Variants in PAK2 observed in about 807,000 individuals in gnomAD.
The protein encoded by PAK2 is serine/threonine-protein kinase PAK 2.
Under a neutral mutation model 65.9 loss-of-function variants are expected in PAK2, and 21 were observed. That is an observed-to-expected ratio of 0.32 (90% CI 0.23 to 0.46). PAK2 has a LOEUF of 0.46. Among genes scored for constraint, PAK2 ranks in the 20% least tolerant of loss-of-function variants. The probability of loss-of-function intolerance (pLI) is 1.00; values close to 1 mark genes in which losing one functional copy is unlikely to be tolerated. For synonymous variants in PAK2, 204 were observed against 219.7 expected, an observed-to-expected ratio of 0.93 and a Z score of 0.63; for missense variants, 324 against 642.6, an observed-to-expected ratio of 0.50 and a Z score of 5.36.
intron 1 of PAK2, among the ~76,000 whole-genome samples, chr3:196,771,279 T>A (rs906381177): frequency 6.6e-6 from 1 of 152,110 alleles, no homozygotes; most frequent in Admixed American, 6.5e-5. Context: ...ATTCAATTAC[T>A]GCTTCTGTGA....
At chr3:196,812,706 A>C (rs771520730) in intron 9 of PAK2, 33 bp from the exon 10 acceptor site, 1 of 967,070 alleles carries the variant, frequency 1.0e-6, no homozygotes, top group Non-Finnish European at 1.7e-6. Context: ...GAATTCCTAA[A>C]CCTGGTTTTT....
At chr3:196,744,071 G>A (rs1713293332) in intron 1 of PAK2, among the ~76,000 whole-genome samples, 1 of 152,080 alleles carries the variant, frequency 6.6e-6, no homozygotes, top group Admixed American at 6.6e-5. Context: ...TTAAAAATAT[G>A]CATATTTCCT....
intron 2 of PAK2, among the ~76,000 whole-genome samples, chr3:196,789,466 A>G (rs935204114): frequency 7.4e-6 from 1 of 135,918 alleles, no homozygotes; most frequent in Non-Finnish European, 1.6e-5. Context: ...TTCATGGAAA[A>G]CAATTTTTCT....
At position 196,828,465 on chromosome 3, in the gene PAK2, TG is replaced by T. The variant is rs1328215923; in HGVS notation, c.*61del. ...TTTCTACAAGAAGCCTTTTAGTATA[TG>T]AAAATTATTACTCTTTTTGGGGTTT... On this transcript the variant is annotated 3_prime_UTR_variant, in exon 15 of 15. Coordinates refer to ENST00000327134, the MANE Select transcript of PAK2 (RefSeq NM_002577.4). 3 of 963,338 alleles carry T rather than the reference TG, an allele frequency of 3.1e-6. No individual in the cohort carries two copies. The highest frequency in any genetic ancestry group is 5.0e-6 in the Non-Finnish European group (3 of 600,816). The allele number at this position is 963,338 out of a possible 1,614,324, so 59.7% of individuals were successfully genotyped here.
chr3:196,806,989 G>T (rs1715606147), intron 6 of PAK2, among the ~76,000 whole-genome samples: 1 of 152,098 alleles, frequency 6.6e-6, no homozygotes, highest in Admixed American at 6.6e-5. Context: ...TTATCTCAAT[G>T]TAGATGACGA....
chr3:196,812,643 A>G, intron 9 of PAK2, 96 bp from the exon 10 acceptor site: 1 of 645,892 alleles, frequency 1.5e-6, no homozygotes, highest in East Asian at 2.7e-5. Flanking sequence ...ATGGTGTAAT[A>G]CAGTACACGT....
At chr3:196,814,095 C>G (rs1715916676) in intron 10 of PAK2, among the ~76,000 whole-genome samples, 1 of 152,148 alleles carries the variant, frequency 6.6e-6, no homozygotes, top group African/African-American at 2.4e-5. Context: ...CTGTCACTTC[C>G]TATTAATAGC....
At chr3:196,826,250 C>G (rs1711865888) in intron 13 of PAK2, among the ~76,000 whole-genome samples, 1 of 151,994 alleles carries the variant, frequency 6.6e-6, no homozygotes. Context: ...CGGCTCACTG[C>G]AAGCTCTGCC....
rs75819750 is a variant in PAK2, at chr3:196,768,251, T to C, written c.-21-14375T>C. ...CAGAACTGCTTTTCATTCCTAATCA[T>C]GTTTATTTTTTACTCTCTTTGTTTT... On this transcript the variant is annotated intron_variant, in intron 1 of 14. Coordinates refer to ENST00000327134, the MANE Select transcript of PAK2 (RefSeq NM_002577.4). Among the ~76,000 whole-genome samples the C allele has an allele frequency of 9.5e-4, 145 of 152,134 alleles. 5 individuals carry two copies. The highest frequency in any genetic ancestry group is 3.4e-3 in the African/African-American group (139 of 41,414).
Position 196,831,101 on chromosome 3 carries a change from T to A in PAK2, c.*2696T>A, listed in dbSNP as rs967959680. ...CAGAGTCTCACCACATTGCCCAGGC[T>A]GGTCTCCAACTCCTGAGCTCAGGCA... On this transcript the variant is annotated 3_prime_UTR_variant, in exon 15 of 15. Transcript: ENST00000327134. 2.0e-5 allele frequency: 3 copies of A among 152,242 alleles called. No homozygotes were observed. Among genetic ancestry groups the A allele is most frequent in the African/African-American group, 7.2e-5 (3 of 41,456 alleles). 9.4% of individuals were successfully genotyped at this position (152,242 alleles called of 1,614,324 possible).
At chr3:196,786,309 C>T (rs1004873520) in intron 2 of PAK2, among the ~76,000 whole-genome samples, 6 of 151,652 alleles carry the variant, frequency 4.0e-5, no homozygotes, top group African/African-American at 1.2e-4. Flanking sequence ...ATTACAGGCG[C>T]CTGCCACCGC....
chr3:196,825,526 C>G (rs917658194), intron 13 of PAK2, among the ~76,000 whole-genome samples: 1 of 151,890 alleles, frequency 6.6e-6, no homozygotes, highest in Non-Finnish European at 1.5e-5. Context: ...GCCTATAATC[C>G]CAGCTACTCG....
intron 1 of PAK2, among the ~76,000 whole-genome samples, chr3:196,743,294 C>T (rs1713268073): frequency 6.6e-6 from 1 of 152,102 alleles, no homozygotes; most frequent in African/African-American, 2.4e-5. Context: ...CTCCATGTAT[C>T]CCATGTGGTT....
intron 1 of PAK2, among the ~76,000 whole-genome samples, chr3:196,756,142 C>T (rs1713762021): frequency 6.6e-6 from 1 of 152,272 alleles, no homozygotes; most frequent in African/African-American, 2.4e-5. Flanking sequence ...ATTTTCTGAG[C>T]CTCGCCACTT....
intron 6 of PAK2, among the ~76,000 whole-genome samples, chr3:196,807,362 G>C (rs373824684): frequency 6.6e-6 from 1 of 152,078 alleles, no homozygotes; most frequent in South Asian, 2.1e-4. Context: ...TGAAATGGGT[G>C]GTAGGCATTA....
Position 196,769,438 on chromosome 3 carries a change from T to C in PAK2, c.-21-13188T>C, listed in dbSNP as rs547332668. Among the ~76,000 whole-genome samples the C allele has an allele frequency of 5.3e-5, 8 of 152,132 alleles. No individual in the cohort carries two copies. In the South Asian group the frequency reaches 1.7e-3, roughly 31 times the overall value. On this transcript the variant is annotated intron_variant, in intron 1 of 14. Transcript: ENST00000327134. The stretch of plus-strand genomic sequence containing the variant: ...TTTAAGCATTTTTAGGTGTATAATT[T>C]GGTGGCATTAAGTATATTCAATGTT...
intron 13 of PAK2, among the ~76,000 whole-genome samples, chr3:196,823,130 A>G (rs150876270): frequency 1.9e-3 from 287 of 152,302 alleles, no homozygotes; most frequent in African/African-American, 6.4e-3. Flanking sequence ...GCAAAGGCAG[A>G]GCAGAAGACC....
intron 1 of PAK2, among the ~76,000 whole-genome samples, chr3:196,759,427 A>G (rs908008029): frequency 2.7e-5 from 4 of 148,762 alleles, no homozygotes; most frequent in Non-Finnish European, 4.4e-5. Context: ...AATTCCTTAA[A>G]TTTTAAAAAA....
chr3:196,812,138 C>T (rs992131508), intron 8 of PAK2, 81 bp from the exon 9 acceptor site: 2 of 821,738 alleles, frequency 2.4e-6, no homozygotes, highest in South Asian at 1.4e-5. Flanking sequence ...TTTTCAATTG[C>T]TTGAAGTGTA....
Sources: allele counts gnomAD v4.1 joint callset (sites outside exome capture counted in the v4.1 genomes callset), GRCh38; gene constraint gnomAD v4.1.1; transcripts MANE v1.5; gene names NCBI Gene and HGNC (gene_info 2026-07-23, HGNC 2026-07-21).